Variants in FANCI observed in about 807,000 individuals in gnomAD.
FANCI encodes Fanconi anemia group I protein.
FANCI carries 156 observed loss-of-function variants against 176.1 expected under a neutral mutation model. The ratio of observed to expected loss-of-function variants is 0.89; its 90% CI spans 0.78 to 1.01. The LOEUF is 1.01. Among genes scored for constraint, FANCI ranks in the 50% least tolerant of loss-of-function variants. The pLI is 0.00. For synonymous variants in FANCI, 613 were observed against 541.7 expected, an observed-to-expected ratio of 1.13 and a Z score of -1.83; for missense variants, 1,678 against 1,534.1, an observed-to-expected ratio of 1.09 and a Z score of -1.57.
At chr15:89,287,524 A>G (rs1249025137) in intron 18 of FANCI, among the ~76,000 whole-genome samples, 5 of 151,874 alleles carry the variant, frequency 3.3e-5, no homozygotes, top group African/African-American at 1.2e-4. Flanking sequence ...TCATATGTTC[A>G]CTGGAATAGC....
At chr15:89,261,463 T>G in intron 4 of FANCI, 122 bp from the exon 5 acceptor site, 3 of 1,246,222 alleles carry the variant, frequency 2.4e-6, no homozygotes, top group East Asian at 2.3e-5. Flanking sequence ...CATAAATCCC[T>G]TATGGGACCA....
chr15:89,253,774 A>G (rs750417041), intron 2 of FANCI, among the ~76,000 whole-genome samples: 20 of 106,142 alleles, frequency 1.9e-4, no homozygotes, highest in Non-Finnish European at 3.2e-4. Context: ...TCCCTAATTC[A>G]TAAATAACTT....
Position 89,263,412 on chromosome 15 carries a change from C to G in FANCI, c.504-7C>G. ...AAGAAATAAACTTTGTCATTTTCTTCTACCAGGTGGGATCAGCAATATGTA... is the reference window on the plus strand; with the variant it reads ...AAGAAATAAACTTTGTCATTTTCTTGTACCAGGTGGGATCAGCAATATGTA... On this transcript the variant is annotated splice_polypyrimidine_tract_variant and splice_region_variant and intron_variant, in intron 6 of 37. Coordinates refer to ENST00000310775, the MANE Select transcript of FANCI (RefSeq NM_001113378.2). 6.2e-7 allele frequency: 1 copy of G among 1,611,032 alleles called. No homozygotes were observed. The highest frequency in any genetic ancestry group is 8.5e-7 in the Non-Finnish European group (1 of 1,177,432).
chr15:89,293,969 G>A lies in FANCI; in HGVS notation c.2428G>A (p.Val810Met). The A allele has an allele frequency of 6.2e-7, 1 of 1,614,180 alleles. No individual in the cohort carries two copies. Residue 810 changes from valine (V) to methionine (M), a missense_variant, in exon 23 of 38, where the codon GTG (valine) becomes ATG (methionine). Val to Met is a conservative substitution (Grantham distance 21, BLOSUM62 1). Coordinates refer to ENST00000310775, the MANE Select transcript of FANCI (RefSeq NM_001113378.2). ...TGATAGTCTTTTGTCCATGAAATTT[G>A]TGTCCAGTCTTCTCACTGCTCTTTT... ...TSDSLLSMKF[V>M]SSLLTALFRD...
Position 89,303,920 on chromosome 15 carries a change from G to A in FANCI, c.3058+5G>A, listed in dbSNP as rs1218195215. The A allele has an allele frequency of 1.9e-6, 3 of 1,613,584 alleles. No individual in the cohort carries two copies. The African/African-American group carries it at 4.0e-5, about 22-fold the overall frequency. On this transcript the variant is annotated splice_donor_5th_base_variant and intron_variant, in intron 28 of 37. Coordinates refer to ENST00000310775, the MANE Select transcript of FANCI (RefSeq NM_001113378.2). ...TTTGCAAGGAAAACAGCCGGGGTAA[G>A]TTTACTGCCATGTTTTCCTAAAGGC...
Position 89,276,798 on chromosome 15 carries a change from T to G in FANCI, c.1200T>G (p.Asp400Glu). ...MDSYGPKKVL[D>E]GKTIETSPSL... is the part of the protein sequence containing the mutation. The stretch of plus-strand genomic sequence containing the variant: ...CATATGGGCCAAAGAAGGTTCTTGA[T>G]GGAAAAACTATTGAAACCAGCCCAA... The change falls in exon 13 of 38, where the codon GAT becomes GAG. Residue 400 changes from aspartate to glutamate, a missense_variant. This residue lies in a region of FANCI where 1,204 missense variants were observed against 1,077.4 expected (regional missense o/e 1.12). Transcript: ENST00000310775. The G allele has an allele frequency of 6.2e-7, 1 of 1,614,196 alleles. No homozygotes were observed. Among genetic ancestry groups the G allele is most frequent in the Non-Finnish European group, 8.5e-7 (1 of 1,180,028 alleles).
rs181844357 is a variant in FANCI, at chr15:89,313,172, C to T, written c.3720+200C>T. Among the ~76,000 whole-genome samples the T allele has an allele frequency of 9.3e-5, 14 of 151,294 alleles. No homozygotes were observed. The East Asian group carries it at 2.7e-3, about 29-fold the overall frequency. ...TTGGAAGATGGGGAGACTGGGGTGA[C>T]AGCTAAAAACGGTATGGAATTTCTT... On this transcript the variant is annotated intron_variant, in intron 35 of 37. Coordinates refer to ENST00000310775, the MANE Select transcript of FANCI (RefSeq NM_001113378.2).
intron 35 of FANCI, among the ~76,000 whole-genome samples, 155 bp downstream of exon 35, chr15:89,313,127 G>A (rs2055035935): frequency 6.6e-6 from 1 of 151,862 alleles, no homozygotes; most frequent in Admixed American, 6.6e-5. Flanking sequence ...TAGATTAGTG[G>A]TAGCGTAGAG....
intron 9 of FANCI, among the ~76,000 whole-genome samples, chr15:89,268,167 T>C (rs1369971552): frequency 6.6e-6 from 1 of 152,172 alleles, no homozygotes; most frequent in Admixed American, 6.5e-5. Flanking sequence ...CAATCTTGGC[T>C]CACGGCAACG....
chr15:89,270,809 G>A (rs902768659), intron 10 of FANCI, among the ~76,000 whole-genome samples: 1 of 152,094 alleles, frequency 6.6e-6, no homozygotes, highest in Non-Finnish European at 1.5e-5. Flanking sequence ...TTTAGTCTTT[G>A]AGCTTGTGGC....
At chr15:89,277,327 C>G (rs940702465) in intron 13 of FANCI, among the ~76,000 whole-genome samples, 6 of 151,970 alleles carry the variant, frequency 3.9e-5, no homozygotes, top group Non-Finnish European at 7.4e-5. Context: ...AAAAAAGAAT[C>G]ATGCTTGGTC....
intron 1 of FANCI, 134 bp from the exon 2 acceptor site, chr15:89,247,495 T>C: frequency 1.4e-6 from 1 of 701,164 alleles, no homozygotes; most frequent in Non-Finnish European, 2.6e-6. Flanking sequence ...AATCAGCTAC[T>C]TAAAGATAGT....
intron 9 of FANCI, 138 bp downstream of exon 9, chr15:89,264,745 C>T: frequency 1.5e-6 from 1 of 676,030 alleles, no homozygotes; most frequent in South Asian, 1.5e-5. Context: ...CTCTTAGCTA[C>T]TCAGTAATAA....
Position 89,281,798 on chromosome 15 carries a change from T to A in FANCI, c.1546T>A (p.Cys516Ser). ...CAAAGTCAGCATGTCAATGAGAGAC[T>A]GCTTGATACTTGTCCTTCGGAAAGC... is the stretch of plus-strand genomic sequence containing the variant. The part of the protein sequence containing the change: ...LLKVSMSMRD[C>S]LILVLRKAMF... The change falls in exon 16 of 38, where the codon TGC becomes AGC. Residue 516 changes from cysteine (C) to serine (S), a missense_variant. Physicochemically the swap from Cys to Ser is moderately radical, Grantham distance 112. Transcript: ENST00000310775. 1 of 1,613,974 alleles carries A rather than the reference T, an allele frequency of 6.2e-7. No homozygotes were observed. Among genetic ancestry groups the A allele is most frequent in the Non-Finnish European group, 8.5e-7 (1 of 1,179,916 alleles).
intron 37 of FANCI, 163 bp from the exon 38 acceptor site, chr15:89,316,234 C>T: frequency 1.4e-6 from 1 of 734,512 alleles, no homozygotes; most frequent in Non-Finnish European, 2.3e-6. Context: ...GGACTCCTTC[C>T]TCTTCTTCAA....
chr15:89,249,644 G>A (rs999842996), intron 2 of FANCI, among the ~76,000 whole-genome samples: 6 of 152,304 alleles, frequency 3.9e-5, no homozygotes, highest in South Asian at 2.1e-4. Flanking sequence ...CACTCTGCCT[G>A]ACCTAGTATT....
At chr15:89,263,665 T>A (rs2052814901) in intron 7 of FANCI, among the ~76,000 whole-genome samples, 1 of 152,236 alleles carries the variant, frequency 6.6e-6, no homozygotes. Flanking sequence ...TAACTTTATT[T>A]TTTTTATAAG....
chr15:89,284,568 G>T (rs184660162), intron 17 of FANCI, among the ~76,000 whole-genome samples: 137 of 152,348 alleles, frequency 9.0e-4, no homozygotes, highest in African/African-American at 3.2e-3. Context: ...GCCTCAGGCA[G>T]TATGAACTAC....
chr15:89,277,454 A>G (rs901863612), intron 13 of FANCI, among the ~76,000 whole-genome samples: 5 of 152,026 alleles, frequency 3.3e-5, no homozygotes, highest in African/African-American at 1.2e-4. Flanking sequence ...CATCTCTACA[A>G]AAAACACAAA....
Sources: gnomAD v4.1 joint callset for allele counts (sites outside exome capture counted in the v4.1 genomes callset) on GRCh38, gnomAD v4.1.1 for gene constraint, gnomAD v4.1.1 regional missense constraint, MANE v1.5 for transcripts, NCBI Gene and HGNC (gene_info 2026-07-23, HGNC 2026-07-21) for gene names.